The following SMC5 variants were observed in gnomAD, a reference collection of about 807,000 sequenced individuals.
The protein encoded by SMC5 is structural maintenance of chromosomes protein 5.
In SMC5, 88 loss-of-function variants were observed where a neutral mutation model predicts 148.3. The ratio of observed to expected loss-of-function variants is 0.59; its 90% CI spans 0.50 to 0.71. SMC5 has a LOEUF of 0.71. SMC5 is among the 30% of genes least tolerant of loss of function. The pLI is 0.00. For synonymous variants in SMC5, 421 were observed against 432.8 expected (o/e 0.97, Z 0.34); for missense variants, 1,142 against 1,298.9 (o/e 0.88, Z 1.86).
rs149767452 is a variant in SMC5 at position 70,298,071 on chromosome 9, C to G, written c.1159C>G (p.Leu387Val). ...AATGATAGAGGATTTGCAAAATGAA[C>G]TAAAGACCACGGAAAACTGCGAGAA... ...RKMIEDLQNE[L>V]KTTENCENLQ... is the part of the protein sequence containing the mutation. Residue 387 changes from leucine (L) to valine (V), a missense_variant, in exon 9 of 25, where the codon CTA becomes GTA. By Grantham distance (32) the Leu-to-Val change is conservative (BLOSUM62 1). Around this residue, in one of 5 missense-constraint regions of SMC5, gnomAD observed 743 missense variants for 835.7 expected, o/e 0.89. Coordinates refer to ENST00000361138, the MANE Select transcript of SMC5 (RefSeq NM_015110.4). 37 of 1,613,858 alleles carry G rather than the reference C, an allele frequency of 2.3e-5. No individual in the cohort carries two copies. Among genetic ancestry groups the G allele is most frequent in the Non-Finnish European group, 2.9e-5 (34 of 1,179,942 alleles).
Position 70,318,963 on chromosome 9 carries a change from G to A in SMC5, c.2150G>A (p.Ser717Asn). ...LEQKISSKLG[S>N]LKLMEQDTCN... ...CAAAAAATCAGTTCCAAACTAGGAAGGTATCTTTTAGCCTATTCAGGGGGG... is the reference window on the plus strand; with the variant it reads ...CAAAAAATCAGTTCCAAACTAGGAAAGTATCTTTTAGCCTATTCAGGGGGG... Residue 717 changes from serine (S) to asparagine (N), a missense_variant and splice_region_variant, in exon 15 of 25, where the codon AGT becomes AAT. Coordinates refer to ENST00000361138, the MANE Select transcript of SMC5 (RefSeq NM_015110.4). 1.2e-6 allele frequency: 2 copies of A among 1,605,130 alleles called. No homozygotes were observed. The highest frequency in any genetic ancestry group is 1.7e-6 in the Non-Finnish European group (2 of 1,176,958).
At chr9:70,339,441 AAAG>A (rs2036457486) in intron 17 of SMC5, among the ~76,000 whole-genome samples, 1 of 152,098 alleles carries the variant, frequency 6.6e-6, no homozygotes, top group South Asian at 2.1e-4. Flanking sequence ...AAAAAAAAAA[AAAG>A]AGTCAAGAAT....
chr9:70,318,736 T>C (rs373022875), intron 14 of SMC5, 49 bp downstream of exon 14: 1 of 1,558,558 alleles, frequency 6.4e-7, no homozygotes, highest in Non-Finnish European at 8.6e-7. Context: ...ACTGGATTTC[T>C]AATAGTTTCA....
chr9:70,316,167 C>T (rs2035795481), intron 13 of SMC5, among the ~76,000 whole-genome samples: 1 of 151,980 alleles, frequency 6.6e-6, no homozygotes, highest in Non-Finnish European at 1.5e-5. Flanking sequence ...TCTGTGACTC[C>T]AAACCGTATG....
At chr9:70,308,088 T>C (rs1484197679) in intron 11 of SMC5, among the ~76,000 whole-genome samples, 1 of 152,106 alleles carries the variant, frequency 6.6e-6, no homozygotes, top group Non-Finnish European at 1.5e-5. Flanking sequence ...TGCAAACCCT[T>C]ATGTCTGTAT....
chr9:70,351,985 G>A (rs2036814916), intron 24 of SMC5, among the ~76,000 whole-genome samples: 2 of 152,094 alleles, frequency 1.3e-5, no homozygotes, highest in African/African-American at 4.8e-5. Context: ...GCTGGCTGAG[G>A]CACGAGAATC....
At chr9:70,300,284 T>C in intron 10 of SMC5, 84 bp downstream of exon 10, 2 of 1,255,626 alleles carry the variant, frequency 1.6e-6, no homozygotes, top group Non-Finnish European at 2.2e-6. Flanking sequence ...AGTCCCAATA[T>C]TACCCTGGTT....
chr9:70,340,205 T>G (rs1486171023), intron 17 of SMC5, among the ~76,000 whole-genome samples: 1 of 151,920 alleles, frequency 6.6e-6, no homozygotes, highest in Non-Finnish European at 1.5e-5. Context: ...AATACCAAAT[T>G]TAGGAGCTCT....
At chr9:70,319,081 T>A in intron 15 of SMC5, 118 bp downstream of exon 15, 1 of 951,456 alleles carries the variant, frequency 1.1e-6, no homozygotes, top group Non-Finnish European at 1.5e-6. Flanking sequence ...TTCTCTTTAA[T>A]CTTTAATCTT....
intron 8 of SMC5, chr9:70,286,717 C>CTTTTTTTT (rs34919823): frequency 2.6e-5 from 3 of 117,462 alleles, no homozygotes; most frequent in Non-Finnish European, 3.5e-5. Context: ...AACTTTTCGT[C>CTTTTTTTT]TTTTTTTTTT....
intron 17 of SMC5, among the ~76,000 whole-genome samples, chr9:70,338,519 GC>G: frequency 6.6e-6 from 1 of 151,784 alleles, no homozygotes. Context: ...TCGTTTAACT[GC>G]CAGAAAAAAA....
chr9:70,318,324 G>T (rs1156983451), intron 13 of SMC5, among the ~76,000 whole-genome samples, 190 bp from the exon 14 acceptor site: 1 of 151,966 alleles, frequency 6.6e-6, no homozygotes, highest in Non-Finnish European at 1.5e-5. Flanking sequence ...GGGGGTTGAG[G>T]CTGGAGTAAG....
At chr9:70,271,857 A>G (rs1280767458) in intron 3 of SMC5, among the ~76,000 whole-genome samples, 3 of 152,264 alleles carry the variant, frequency 2.0e-5, no homozygotes, top group South Asian at 2.1e-4. Flanking sequence ...TGACTGGATC[A>G]CTTTGAAGGA....
intron 2 of SMC5, among the ~76,000 whole-genome samples, chr9:70,266,104 C>G (rs2034283950): frequency 6.6e-6 from 1 of 151,722 alleles, no homozygotes; most frequent in Admixed American, 6.6e-5. Flanking sequence ...AGTCATAAAG[C>G]AAGTATCAAA....
At chr9:70,318,717 A>C in intron 14 of SMC5, 30 bp downstream of exon 14, 9 of 1,565,918 alleles carry the variant, frequency 5.7e-6, no homozygotes, top group Non-Finnish European at 7.8e-6. Flanking sequence ...ATGTTAGAAA[A>C]GAATATTAAC....
chr9:70,278,897 A>G (rs2034670808), intron 5 of SMC5, among the ~76,000 whole-genome samples: 1 of 152,206 alleles, frequency 6.6e-6, no homozygotes, highest in Non-Finnish European at 1.5e-5. Context: ...AAATTATCTC[A>G]GGAAGTTATT....
At chr9:70,277,817 T>C (rs796983341) in intron 4 of SMC5, among the ~76,000 whole-genome samples, 2 of 152,128 alleles carry the variant, frequency 1.3e-5, no homozygotes, top group African/African-American at 4.8e-5. Flanking sequence ...ATTATACATA[T>C]ATTTGAGTCT....
chr9:70,314,616 A>G (rs1252750621), intron 11 of SMC5, 126 bp from the exon 12 acceptor site: 2 of 423,846 alleles, frequency 4.7e-6, no homozygotes, highest in African/African-American at 4.2e-5. Flanking sequence ...ACTAAGTAAC[A>G]TCTAATATGC....
intron 7 of SMC5, among the ~76,000 whole-genome samples, chr9:70,285,850 T>A (rs2034885000): frequency 6.6e-6 from 1 of 152,208 alleles, no homozygotes; most frequent in Admixed American, 6.5e-5. Context: ...TTAGTTTCCA[T>A]TTTTTAGCTA....
Sources: allele counts gnomAD v4.1 joint callset (sites outside exome capture counted in the v4.1 genomes callset), GRCh38; gene constraint gnomAD v4.1.1; regional missense constraint gnomAD v4.1.1; transcripts MANE v1.5; gene names NCBI Gene and HGNC (gene_info 2026-07-23, HGNC 2026-07-21).